Variants in RYR2 observed in about 807,000 individuals in gnomAD.
The protein encoded by RYR2 is cardiac muscle ryanodine receptor-calcium release channel.
A neutral mutation model predicts 601.1 loss-of-function variants in RYR2; 227 were observed. That is an observed-to-expected ratio of 0.38 (90% confidence interval 0.34 to 0.42). RYR2 has a LOEUF of 0.42. RYR2 is among the 10% of genes least tolerant of loss of function. The pLI, the probability that RYR2 is intolerant of heterozygous loss-of-function variation, is 1.00. For synonymous variants in RYR2, 2,223 were observed against 2,175.1 expected (o/e 1.02, Z -0.61); for missense variants, 4,646 against 6,156.5 (o/e 0.75, Z 8.21).
chr1:237,066,718 T>G (rs1295634306), intron 1 of RYR2, among the ~76,000 whole-genome samples: 2 of 151,886 alleles, frequency 1.3e-5, no homozygotes, highest in Non-Finnish European at 2.9e-5. Flanking sequence ...CTCGGCTCAC[T>G]GCAAGCTCCA....
intron 73 of RYR2, among the ~76,000 whole-genome samples, chr1:237,720,433 T>C (rs1241381382): frequency 6.6e-6 from 1 of 152,252 alleles, no homozygotes; most frequent in Non-Finnish European, 1.5e-5. Context: ...CATGTGAAGT[T>C]TGATGTGTAC....
intron 1 of RYR2, among the ~76,000 whole-genome samples, chr1:237,184,266 AGGAGGT>A (rs1679099862): frequency 6.6e-6 from 1 of 152,186 alleles, no homozygotes; most frequent in South Asian, 2.1e-4. Context: ...GGCAGAAATG[AGGAGGT>A]GGCTGAAGAG....
intron 1 of RYR2, among the ~76,000 whole-genome samples, chr1:237,149,261 C>G (rs753717434): frequency 2.0e-5 from 3 of 152,070 alleles, no homozygotes; most frequent in Non-Finnish European, 2.9e-5. Flanking sequence ...TAGTTTGAGG[C>G]TAGCCTGAGC....
rs371680294 is a variant in RYR2, at chr1:237,380,805, C to T, written c.576+3370C>T. ...AAAAATACAAAAATTAGGCCAGGCG[C>T]GGTGGCTCATGCCTGTAATCCCAAC... is the stretch of plus-strand genomic sequence containing the variant. On this transcript the variant is annotated intron_variant, in intron 8 of 104. Coordinates refer to ENST00000366574, the MANE Select transcript of RYR2 (RefSeq NM_001035.3). Among the ~76,000 whole-genome samples the T allele has an allele frequency of 4.6e-4, 70 of 151,774 alleles. No individual in the cohort carries two copies. The Middle Eastern group carries it at 0.01, about 22-fold the overall frequency.
chr1:237,730,360 T>C lies in RYR2; in HGVS notation c.10935+4T>C, dbSNP rs1690566326. On this transcript the variant is annotated splice_donor_region_variant and intron_variant, in intron 77 of 104. Coordinates refer to ENST00000366574, the MANE Select transcript of RYR2 (RefSeq NM_001035.3). The stretch of plus-strand genomic sequence containing the variant: ...TAAACTGATAGAAGATTTAGCAGTA[T>C]GTTTTTAGTGGGGCTCTAAGATGAA... 2 of 1,490,372 alleles carry C rather than the reference T, an allele frequency of 1.3e-6. No individual in the cohort carries two copies. The highest frequency in any genetic ancestry group is 1.9e-6 in the Non-Finnish European group (2 of 1,067,494). The allele number at this position is 1,490,372 out of a possible 1,614,324, so 92.3% of individuals were successfully genotyped here.
intron 87 of RYR2, 39 bp from the exon 88 acceptor site, chr1:237,778,627 T>G (rs1288843802): frequency 1.8e-6 from 2 of 1,097,632 alleles, no homozygotes; most frequent in Admixed American, 1.8e-5. Context: ...GGCAAATAAA[T>G]TATGAGGAAT....
At chr1:237,501,007 T>A in intron 21 of RYR2, 104 bp downstream of exon 21, 1 of 1,127,712 alleles carries the variant, frequency 8.9e-7, no homozygotes, top group Non-Finnish European at 1.3e-6. Flanking sequence ...ATTGTTTGTC[T>A]CTCCTGGGCA....
At chr1:237,691,012 T>C (rs1442634024) in intron 63 of RYR2, among the ~76,000 whole-genome samples, 1 of 152,218 alleles carries the variant, frequency 6.6e-6, no homozygotes, top group Non-Finnish European at 1.5e-5. Context: ...ATCTATTCTT[T>C]TTCAGTCTAC....
At chr1:237,331,574 C>T (rs560688489) in intron 3 of RYR2, among the ~76,000 whole-genome samples, 19 of 151,838 alleles carry the variant, frequency 1.3e-4, no homozygotes, top group Admixed American at 2.6e-4. Context: ...GCGATCTCAG[C>T]TCACTGCAAG....
intron 3 of RYR2, among the ~76,000 whole-genome samples, chr1:237,332,972 G>T (rs2149578036): frequency 6.6e-6 from 1 of 152,246 alleles, no homozygotes; most frequent in Admixed American, 6.5e-5. Flanking sequence ...GCATGCCACA[G>T]TGTACCCAGC....
At chr1:237,200,528 G>A (rs953585157) in intron 1 of RYR2, among the ~76,000 whole-genome samples, 1 of 152,126 alleles carries the variant, frequency 6.6e-6, no homozygotes, top group East Asian at 1.9e-4. Context: ...GCCCTCCAAC[G>A]TGCTGGGATT....
chr1:237,373,467 G>A (rs1039600055), intron 6 of RYR2, among the ~76,000 whole-genome samples: 3 of 152,142 alleles, frequency 2.0e-5, no homozygotes, highest in Admixed American at 2.0e-4. Flanking sequence ...TCTAGCCTTT[G>A]CATTATTTTT....
intron 73 of RYR2, among the ~76,000 whole-genome samples, chr1:237,722,173 T>C (rs949224548): frequency 6.6e-6 from 1 of 152,202 alleles, no homozygotes; most frequent in African/African-American, 2.4e-5. Flanking sequence ...ACAATTAGAC[T>C]GTGAATGGGG....
At chr1:237,517,255 C>T (rs1666638879) in intron 24 of RYR2, among the ~76,000 whole-genome samples, 1 of 152,178 alleles carries the variant, frequency 6.6e-6, no homozygotes, top group Non-Finnish European at 1.5e-5. Context: ...CTCAGGCCTT[C>T]ATTTAAATAT....
At chr1:237,567,715 T>C (rs1301171283) in intron 28 of RYR2, among the ~76,000 whole-genome samples, 1 of 152,110 alleles carries the variant, frequency 6.6e-6, no homozygotes, top group East Asian at 1.9e-4. Context: ...TTTTTATTTT[T>C]TAAGTGAATT....
intron 1 of RYR2, among the ~76,000 whole-genome samples, chr1:237,213,643 A>G (rs1433488642): frequency 6.6e-6 from 1 of 152,158 alleles, no homozygotes; most frequent in African/African-American, 2.4e-5. Flanking sequence ...ATTTACCCTT[A>G]GTGAATTAAG....
chr1:237,632,315 T>C (rs1248364860), intron 42 of RYR2, among the ~76,000 whole-genome samples: 1 of 152,146 alleles, frequency 6.6e-6, no homozygotes, highest in African/African-American at 2.4e-5. Context: ...TTGGTTTCAC[T>C]TAATTTCCAA....
intron 27 of RYR2, chr1:237,555,000 G>C (rs1264249926): frequency 3.3e-5 from 5 of 152,014 alleles, no homozygotes; most frequent in African/African-American, 1.2e-4. Flanking sequence ...ACCAATCGTG[G>C]ATTATTATGA....
chr1:237,355,957 T>G lies in RYR2; in HGVS notation c.274-8T>G. The stretch of plus-strand genomic sequence containing the variant: ...TTTGTTATTTATTTTGGCTTTTTCT[T>G]TCCACAGCAAGTTGATGTGGAAAAA... On this transcript the variant is annotated splice_region_variant and splice_polypyrimidine_tract_variant and intron_variant, in intron 3 of 104. Coordinates refer to ENST00000366574, the MANE Select transcript of RYR2 (RefSeq NM_001035.3). 1 of 1,601,242 alleles carries G rather than the reference T, an allele frequency of 6.2e-7. No homozygotes were observed. Among genetic ancestry groups the G allele is most frequent in the Non-Finnish European group, 8.5e-7 (1 of 1,173,086 alleles).
Sources: allele counts gnomAD v4.1 joint callset (sites outside exome capture counted in the v4.1 genomes callset), GRCh38; gene constraint gnomAD v4.1.1; transcripts MANE v1.5; gene names NCBI Gene and HGNC (gene_info 2026-07-23, HGNC 2026-07-21).